Variants in RLF observed in about 807,000 individuals in gnomAD.
The protein encoded by RLF is RLF zinc finger.
In RLF, 7 loss-of-function variants were observed where a neutral mutation model predicts 162.9. That is an observed-to-expected ratio of 0.04 (90% CI 0.02 to 0.08). The LOEUF is 0.08. Among genes scored for constraint, RLF ranks in the 10% least tolerant of loss-of-function variants. The pLI is 1.00. For synonymous variants in RLF, 782 were observed against 791.5 expected (o/e 0.99, Z 0.20); for missense variants, 1,664 against 2,244.7 (o/e 0.74, Z 5.23).
intron 5 of RLF, among the ~76,000 whole-genome samples, chr1:40,212,624 G>A (rs192257099): frequency 6.6e-6 from 1 of 152,252 alleles, no homozygotes; most frequent in East Asian, 1.9e-4. Flanking sequence ...AGTTCTTGGC[G>A]CAGTTAAGGC....
At chr1:40,215,721 A>G (rs1017791031) in intron 5 of RLF, among the ~76,000 whole-genome samples, 3 of 152,078 alleles carry the variant, frequency 2.0e-5, no homozygotes, top group Non-Finnish European at 4.4e-5. Flanking sequence ...TGTTGAGACT[A>G]CAGGCATGAG....
chr1:40,214,962 A>G (rs1019545102), intron 5 of RLF, among the ~76,000 whole-genome samples: 4 of 150,748 alleles, frequency 2.7e-5, no homozygotes, highest in South Asian at 2.1e-4. Flanking sequence ...TATGAGAACA[A>G]TGTCTCAGTA....
At position 40,179,629 on chromosome 1, in the gene RLF, C is replaced by T. The variant is rs554444396; in HGVS notation, c.238-9426C>T. Among the ~76,000 whole-genome samples the T allele has an allele frequency of 2.0e-5, 3 of 151,318 alleles. No individual in the cohort carries two copies. In the East Asian group the frequency reaches 5.8e-4, roughly 29 times the overall value. On this transcript the variant is annotated intron_variant, in intron 1 of 7. Coordinates refer to ENST00000372771, the MANE Select transcript of RLF (RefSeq NM_012421.4). Reference sequence around the variant, plus strand: ...ATCTTAACCATTTTTGAGAGTACAACTTAGTGGCATTAAGTACATTCACAT... The same window carrying T: ...ATCTTAACCATTTTTGAGAGTACAATTTAGTGGCATTAAGTACATTCACAT...
intron 6 of RLF, among the ~76,000 whole-genome samples, chr1:40,228,561 C>T (rs567704368): frequency 4.0e-5 from 6 of 149,716 alleles, no homozygotes; most frequent in Admixed American, 2.7e-4. Context: ...GCAGCCTGGG[C>T]GACAGCGTGG....
At chr1:40,175,386 C>T (rs1642308935) in intron 1 of RLF, among the ~76,000 whole-genome samples, 1 of 152,068 alleles carries the variant, frequency 6.6e-6, no homozygotes, top group Non-Finnish European at 1.5e-5. Context: ...CACGGTGGCT[C>T]ACATCTGTAA....
intron 4 of RLF, among the ~76,000 whole-genome samples, chr1:40,197,612 G>T (rs1642655244): frequency 6.6e-6 from 1 of 152,126 alleles, no homozygotes; most frequent in Admixed American, 6.5e-5. Context: ...AAAACATCAA[G>T]AAATGGGGAG....
At position 40,238,240 on chromosome 1, in the gene RLF, T is replaced by C; in HGVS notation, c.3538T>C (p.Ser1180Pro). Residue 1180 changes from serine to proline, a missense_variant, in exon 8 of 8, where the codon TCA (serine) becomes CCA (proline). Physicochemically the swap from Ser to Pro is moderately conservative, Grantham distance 74 (BLOSUM62 -1). Around this residue, in one of 15 missense-constraint regions of RLF, gnomAD observed 30 missense variants for 116.5 expected, o/e 0.26. Coordinates refer to ENST00000372771, the MANE Select transcript of RLF (RefSeq NM_012421.4). The surrounding 1 kb of genome is among the most constrained non-coding windows in gnomAD (Gnocchi z 5.2). ...SPFQCHICQR[S>P]FTRKTHLRIH... is the part of the protein sequence containing the mutation. Reference sequence around the variant, plus strand: ...ATTTCAGTGTCATATTTGCCAAAGGTCATTTACAAGAAAAACACACCTTAG... The same window carrying C: ...ATTTCAGTGTCATATTTGCCAAAGGCCATTTACAAGAAAAACACACCTTAG... The C allele has an allele frequency of 6.2e-7, 1 of 1,614,102 alleles. No individual in the cohort carries two copies. The highest frequency in any genetic ancestry group is 8.5e-7 in the Non-Finnish European group (1 of 1,180,008).
At chr1:40,232,567 G>T (rs1057260388) in intron 7 of RLF, among the ~76,000 whole-genome samples, 1 of 152,130 alleles carries the variant, frequency 6.6e-6, no homozygotes, top group Non-Finnish European at 1.5e-5. Context: ...TAGGACTAAG[G>T]TTTCTGTTTT....
intron 5 of RLF, among the ~76,000 whole-genome samples, chr1:40,212,159 A>C (rs1211053612): frequency 1.3e-5 from 2 of 152,232 alleles, no homozygotes; most frequent in Non-Finnish European, 2.9e-5. Context: ...ATAAAAGTAC[A>C]TTGTATGTTG....
At chr1:40,173,251 T>C (rs1266630638) in intron 1 of RLF, among the ~76,000 whole-genome samples, 2 of 151,820 alleles carry the variant, frequency 1.3e-5, no homozygotes, top group African/African-American at 4.8e-5. Context: ...TAATTTTGTA[T>C]TTTTAGTAGA....
At chr1:40,167,950 C>T (rs190390001) in intron 1 of RLF, among the ~76,000 whole-genome samples, 16 of 151,634 alleles carry the variant, frequency 1.1e-4, no homozygotes, top group African/African-American at 3.6e-4. Flanking sequence ...GCTGTGATGG[C>T]TCATGCCTGT....
intron 5 of RLF, among the ~76,000 whole-genome samples, chr1:40,213,758 A>G (rs1642891348): frequency 1.3e-5 from 2 of 152,270 alleles, no homozygotes; most frequent in Admixed American, 6.5e-5. Flanking sequence ...ACTAGGAACA[A>G]ATTGTTTTCA....
In RLF at chr1:40,179,493, ACTTCAGTTT is replaced by A. The variant is rs536126356; in HGVS notation, c.238-9558_238-9550del. Among the ~76,000 whole-genome samples the A allele has an allele frequency of 4.0e-5, 6 of 149,544 alleles. No homozygotes were observed. In the South Asian group the frequency reaches 1.1e-3, roughly 26 times the overall value. ...TCGTCTTCCTTTTGCATGATCATCC[ACTTCAGTTT>A]CTTGAAAATTTCTAATCCAAAGTCT... On this transcript the variant is annotated intron_variant, in intron 1 of 7. Transcript: ENST00000372771.
intron 7 of RLF, 29 bp from the exon 8 acceptor site, chr1:40,235,763 A>T (rs763341890): frequency 1.3e-5 from 19 of 1,461,390 alleles, no homozygotes; most frequent in Non-Finnish European, 1.7e-5. Context: ...ATGCAAAAAA[A>T]TAATTTTTTT....
chr1:40,166,322 A>G (rs1186268871), intron 1 of RLF, among the ~76,000 whole-genome samples: 1 of 152,058 alleles, frequency 6.6e-6, no homozygotes, highest in Non-Finnish European at 1.5e-5. Flanking sequence ...TAGTATGTAA[A>G]AAGCAAATTA....
chr1:40,170,263 T>G (rs1013353295), intron 1 of RLF, among the ~76,000 whole-genome samples: 4 of 151,164 alleles, frequency 2.6e-5, no homozygotes, highest in South Asian at 2.1e-4. Context: ...TGTTTTTTGG[T>G]TTTTTTTTGA....
chr1:40,190,345 T>C (rs1023446084), intron 2 of RLF, among the ~76,000 whole-genome samples: 4 of 152,214 alleles, frequency 2.6e-5, no homozygotes, highest in Non-Finnish European at 5.9e-5. Flanking sequence ...GTCTTCCTGC[T>C]TCCTCTGCAA....
At chr1:40,199,797 T>C (rs1205743350) in intron 4 of RLF, among the ~76,000 whole-genome samples, 1 of 152,034 alleles carries the variant, frequency 6.6e-6, no homozygotes, top group Non-Finnish European at 1.5e-5. Flanking sequence ...GAATAGGATA[T>C]AGGGGAGACG....
chr1:40,174,623 A>G (rs536282446), intron 1 of RLF, among the ~76,000 whole-genome samples: 1 of 152,348 alleles, frequency 6.6e-6, no homozygotes, highest in South Asian at 2.1e-4. Flanking sequence ...ATCTTTTAAA[A>G]GTATGTTTTA....
Sources: gnomAD v4.1 joint callset for allele counts (sites outside exome capture counted in the v4.1 genomes callset) on GRCh38, gnomAD v4.1.1 for gene constraint, gnomAD v4.1.1 regional missense constraint, Gnocchi (gnomAD v3.1) non-coding constraint, MANE v1.5 for transcripts, NCBI Gene and HGNC (gene_info 2026-07-23, HGNC 2026-07-21) for gene names.